Variants in PTPRD observed in about 807,000 individuals in gnomAD.
PTPRD encodes receptor-type tyrosine-protein phosphatase delta.
Under a neutral mutation model 214.5 loss-of-function variants are expected in PTPRD, and 34 were observed. That is an observed-to-expected ratio of 0.16 (90% CI 0.12 to 0.21). PTPRD has a LOEUF of 0.21. Ranked by LOEUF, PTPRD falls within the 10% of genes least tolerant of loss-of-function variation. PTPRD has a pLI of 1.00. For missense variants in PTPRD, 2,545 were observed against 2,398.7 expected (o/e 1.06, Z -1.27); for synonymous variants, 1,128 against 845.7 (o/e 1.33, Z -5.79).
At chr9:9,820,408 T>C (rs1415535119) in intron 5 of PTPRD, among the ~76,000 whole-genome samples, 2 of 152,114 alleles carry the variant, frequency 1.3e-5, no homozygotes, top group Admixed American at 6.6e-5. Context: ...GCATGGGTTG[T>C]AAACATTTTC....
intron 9 of PTPRD, among the ~76,000 whole-genome samples, chr9:9,210,318 G>A (rs2099947698): frequency 1.3e-5 from 2 of 152,222 alleles, no homozygotes; most frequent in African/African-American, 4.8e-5. Context: ...TATATAACAG[G>A]TGAGTTTCAT....
chr9:10,285,605 CTTTTTTTT>C (rs34225956), intron 3 of PTPRD, among the ~76,000 whole-genome samples: 3,115 of 104,096 alleles, frequency 0.03, 147 homozygotes, highest in African/African-American at 0.11. Flanking sequence ...GGGGTCTCAT[CTTTTTTTT>C]TTTTTTTTTT....
chr9:9,378,393 T>C (rs182463556), intron 9 of PTPRD, among the ~76,000 whole-genome samples: 86 of 152,300 alleles, frequency 5.6e-4, no homozygotes, highest in East Asian at 5.8e-4. Context: ...TTCCATTGTC[T>C]GGATATACCA....
intron 5 of PTPRD, among the ~76,000 whole-genome samples, chr9:9,825,382 C>CAGAGAGAGAGAGACAGAGAGAGAA: frequency 7.0e-6 from 1 of 143,078 alleles, no homozygotes; most frequent in South Asian, 2.3e-4. Flanking sequence ...CACAGAGAGA[C>CAGAGAGAGAGAGACAGAGAGAGAA]AGAGAGAGAG....
At chr9:10,429,803 T>C (rs1292934104) in intron 2 of PTPRD, among the ~76,000 whole-genome samples, 2 of 151,886 alleles carry the variant, frequency 1.3e-5, no homozygotes, top group African/African-American at 4.8e-5. Flanking sequence ...TGTTATGAAT[T>C]TCTTTTGAAT....
intron 5 of PTPRD, among the ~76,000 whole-genome samples, chr9:9,905,485 A>G (rs1252210531): frequency 6.6e-6 from 1 of 151,946 alleles, no homozygotes; most frequent in Non-Finnish European, 1.5e-5. Context: ...ACTTGGCTCT[A>G]CATACCTATA....
At chr9:10,096,118 C>A (rs1203868357) in intron 3 of PTPRD, among the ~76,000 whole-genome samples, 1 of 151,554 alleles carries the variant, frequency 6.6e-6, no homozygotes, top group East Asian at 1.9e-4. Flanking sequence ...AGCGTAAACA[C>A]CATCTTGAAC....
intron 9 of PTPRD, among the ~76,000 whole-genome samples, chr9:9,370,539 C>A: frequency 6.6e-6 from 1 of 151,714 alleles, no homozygotes; most frequent in African/African-American, 2.4e-5. Context: ...TCTAGATATA[C>A]AATCATGTCA....
chr9:8,835,117 CAG>C (rs915952691), intron 11 of PTPRD, among the ~76,000 whole-genome samples: 6 of 152,158 alleles, frequency 3.9e-5, no homozygotes, highest in Admixed American at 3.9e-4. Flanking sequence ...GCATCAGAAT[CAG>C]AGAGTCAGCA....
intron 5 of PTPRD, among the ~76,000 whole-genome samples, chr9:9,848,803 T>C (rs2060014783): frequency 6.6e-6 from 1 of 152,114 alleles, no homozygotes. Flanking sequence ...CCCTTTCTTG[T>C]AAGAAAAAAA....
rs867666105 is a variant in PTPRD at position 9,631,218 on chromosome 9, T to G, written c.-286-56437A>C. Among the ~76,000 whole-genome samples, 284 of 105,950 alleles carry G rather than the reference T, an allele frequency of 2.7e-3. 8 individuals are homozygous for G. Among genetic ancestry groups the G allele is most frequent in the Middle Eastern group, 0.01 (2 of 198 alleles). 69.5% of individuals were successfully genotyped at this position (105,950 alleles called of 152,430 possible). A position where few individuals can be genotyped will look rare whatever the true frequency, so the allele number is the denominator to read the frequency against. On this transcript the variant is annotated intron_variant, in intron 7 of 45. Transcript: ENST00000381196. ...ATAAATAAATAAATAAATAAATAAATAAATAAAAAGAAAAAGAAAAAAAAA... is the reference window on the plus strand; with the variant it reads ...ATAAATAAATAAATAAATAAATAAAGAAATAAAAAGAAAAAGAAAAAAAAA...
At chr9:10,216,276 T>C (rs1424459176) in intron 3 of PTPRD, among the ~76,000 whole-genome samples, 1 of 151,746 alleles carries the variant, frequency 6.6e-6, no homozygotes, top group East Asian at 1.9e-4. Context: ...GCAGTTTCAG[T>C]CTTAGAGAAG....
Position 9,765,827 on chromosome 9 carries a change from AT to A in PTPRD, c.-326+982del, listed in dbSNP as rs372994502. Among the ~76,000 whole-genome samples the A allele has an allele frequency of 0.033, 4,899 of 149,498 alleles. 533 individuals are homozygous for A. The East Asian group carries it at 0.38, about 12-fold the overall frequency. On this transcript the variant is annotated intron_variant, in intron 6 of 45. Transcript: ENST00000381196. The stretch of plus-strand genomic sequence containing the variant: ...AGGCACCCACCACCACCCCTGGCTA[AT>A]TTTTTTTTTATTTTTAGTAGAGACG...
chr9:8,946,579 C>T (rs985321209), intron 11 of PTPRD, among the ~76,000 whole-genome samples: 12 of 152,202 alleles, frequency 7.9e-5, no homozygotes, highest in African/African-American at 2.7e-4. Flanking sequence ...GTTCAACACT[C>T]TTGCATTCTT....
At chr9:10,162,066 AAG>A (rs2099130465) in intron 3 of PTPRD, among the ~76,000 whole-genome samples, 1 of 151,716 alleles carries the variant, frequency 6.6e-6, no homozygotes, top group South Asian at 2.1e-4. Flanking sequence ...GATGTGGAGA[AAG>A]GGGAACCCTT....
intron 10 of PTPRD, among the ~76,000 whole-genome samples, chr9:9,137,607 G>A (rs553499078): frequency 6.6e-6 from 1 of 152,092 alleles, no homozygotes. Context: ...GAAATGTGTT[G>A]AACAAGGACT....
intron 3 of PTPRD, among the ~76,000 whole-genome samples, chr9:10,202,406 G>C (rs1489371574): frequency 6.6e-6 from 1 of 151,358 alleles, no homozygotes; most frequent in Non-Finnish European, 1.5e-5. Flanking sequence ...GATAACCTTA[G>C]TCTAAGGTGC....
chr9:8,968,510 G>A (rs1411575445), intron 11 of PTPRD, among the ~76,000 whole-genome samples: 4 of 151,946 alleles, frequency 2.6e-5, no homozygotes, highest in Non-Finnish European at 4.4e-5. Flanking sequence ...CGCCAGTGAT[G>A]ATAAGCATTT....
chr9:10,329,784 C>T (rs1390158713), intron 3 of PTPRD, among the ~76,000 whole-genome samples: 9 of 151,706 alleles, frequency 5.9e-5, no homozygotes, highest in Non-Finnish European at 1.0e-4. Flanking sequence ...CTACATATGC[C>T]ATTTTGTATG....
Sources: allele counts gnomAD v4.1 joint callset (sites outside exome capture counted in the v4.1 genomes callset), GRCh38; gene constraint gnomAD v4.1.1; transcripts MANE v1.5; gene names NCBI Gene and HGNC (gene_info 2026-07-23, HGNC 2026-07-21).